SOX6: variants seen among roughly 807,000 people sequenced by gnomAD.
The protein encoded by SOX6 is transcription factor SOX-6.
Under a neutral mutation model 97.8 loss-of-function variants are expected in SOX6, and 11 were observed. The ratio of observed to expected loss-of-function variants is 0.11; its 90% CI spans 0.07 to 0.19. SOX6 has a LOEUF of 0.19. SOX6 is among the 10% of genes least tolerant of loss of function. The pLI, the probability that SOX6 is intolerant of heterozygous loss-of-function variation, is 1.00. For synonymous variants in SOX6, 360 were observed against 371.4 expected, an observed-to-expected ratio of 0.97 and a Z score of 0.35; for missense variants, 810 against 1,039.5, an observed-to-expected ratio of 0.78 and a Z score of 3.04.
chr11:16,427,753 A>C (rs1257603369), intron 1 of SOX6, among the ~76,000 whole-genome samples: 2 of 152,184 alleles, frequency 1.3e-5, no homozygotes, highest in Non-Finnish European at 2.9e-5. Flanking sequence ...AGTTGGTTCC[A>C]AGACTTTGCT....
rs61037475 is a variant in SOX6 at position 16,371,473 on chromosome 11, T to A, written c.-4-30221A>T. Among the ~76,000 whole-genome samples, 441 of 150,748 alleles carry A rather than the reference T, an allele frequency of 2.9e-3. 1 individual carries two copies. The highest frequency in any genetic ancestry group is 6.7e-3 in the African/African-American group (273 of 40,720). ...TATAATAACTTACTTTTTCTTTTTT[T>A]TAAAAAAAAATAAATTGCCTGTTTC... On this transcript the variant is annotated intron_variant, in intron 1 of 15. Coordinates refer to the SOX6 transcript ENST00000396356.
intron 3 of SOX6, among the ~76,000 whole-genome samples, chr11:16,246,303 T>A (rs1341121058): frequency 6.6e-6 from 1 of 151,776 alleles, no homozygotes; most frequent in Non-Finnish European, 1.5e-5. Context: ...TCATTAGAAA[T>A]TAAATGTCAT....
chr11:16,311,712 GTC>G (rs1855608508), intron 3 of SOX6: 1 of 152,118 alleles, frequency 6.6e-6, no homozygotes, highest in Non-Finnish European at 1.5e-5. Context: ...AGGCTATACT[GTC>G]TCTCTAAATA....
At chr11:16,082,765 T>C (rs80341183) in intron 9 of SOX6, among the ~76,000 whole-genome samples, 3,619 of 152,288 alleles carry the variant, frequency 0.024, 142 homozygotes, top group African/African-American at 0.082. Flanking sequence ...AGTTGTTCAC[T>C]ATACCTTATA....
intron 12 of SOX6, among the ~76,000 whole-genome samples, chr11:16,039,161 A>T (rs1855591806): frequency 6.6e-6 from 1 of 152,000 alleles, no homozygotes. Context: ...TCCTATCCTT[A>T]ATTTTTATTT....
intron 13 of SOX6, among the ~76,000 whole-genome samples, chr11:16,002,297 T>C (rs572633814): frequency 4.2e-4 from 64 of 152,354 alleles, no homozygotes; most frequent in Non-Finnish European, 7.3e-4. Flanking sequence ...CTGATGCATG[T>C]GGCTCGTGGC....
intron 4 of SOX6, among the ~76,000 whole-genome samples, chr11:16,211,620 T>A (rs1205601664): frequency 6.6e-6 from 1 of 152,110 alleles, no homozygotes. Flanking sequence ...AATGTAGTTG[T>A]ATGAAGAGGG....
At chr11:16,449,159 T>A (rs1859667343) in intron 1 of SOX6, among the ~76,000 whole-genome samples, 1 of 151,822 alleles carries the variant, frequency 6.6e-6, no homozygotes, top group Admixed American at 6.6e-5. Flanking sequence ...GGTGGTAGAG[T>A]AAGTAGAAGA....
chr11:16,722,743 T>C (rs1848276937), intron 2 of SOX6, among the ~76,000 whole-genome samples: 1 of 151,858 alleles, frequency 6.6e-6, no homozygotes, highest in African/African-American at 2.4e-5. Context: ...AATGTCACTA[T>C]CATTAGAGAA....
At chr11:16,527,608 C>T (rs1366020275) in intron 4 of SOX6, among the ~76,000 whole-genome samples, 1 of 152,138 alleles carries the variant, frequency 6.6e-6, no homozygotes, top group Admixed American at 6.6e-5. Flanking sequence ...CAGGCTTAGA[C>T]ATATAACCTG....
At chr11:16,077,143 T>A (rs1030244124) in intron 9 of SOX6, among the ~76,000 whole-genome samples, 1 of 152,162 alleles carries the variant, frequency 6.6e-6, no homozygotes, top group African/African-American at 2.4e-5. Flanking sequence ...TATGATCAAA[T>A]CACCTCTGAC....
chr11:16,583,370 A>G (rs1401029983), intron 4 of SOX6, among the ~76,000 whole-genome samples: 2 of 151,584 alleles, frequency 1.3e-5, no homozygotes, highest in East Asian at 1.9e-4. Context: ...GCTGTAGAAC[A>G]CTAGAACTTA....
chr11:16,300,711 C>T lies in SOX6; in HGVS notation c.445+17735G>A, dbSNP rs796487202. ...TGAAGTTCATCACCAGAGAAACCTG[C>T]GGCTGTTCACCTTAACAACTAGGAA... On this transcript the variant is annotated intron_variant, in intron 3 of 15. Transcript: ENST00000683767. The surrounding 1 kb of genome is among the most constrained non-coding windows in gnomAD (Gnocchi z 4.1). Among the ~76,000 whole-genome samples the T allele has an allele frequency of 2.0e-5, 3 of 152,180 alleles. No individual in the cohort carries two copies. Among genetic ancestry groups the T allele is most frequent in the Non-Finnish European group, 2.9e-5 (2 of 68,042 alleles).
Position 16,406,657 on chromosome 11 carries a change from G to A in SOX6, c.-4-65405C>T, listed in dbSNP as rs148069257. Among the ~76,000 whole-genome samples, 31 of 152,150 alleles carry A rather than the reference G, an allele frequency of 2.0e-4. 2 individuals carry two copies. Among genetic ancestry groups the A allele is most frequent in the African/African-American group, 7.0e-4 (29 of 41,548 alleles). On this transcript the variant is annotated intron_variant, in intron 1 of 15. Transcript: ENST00000396356. Reference sequence around the variant, plus strand: ...AAATGACTGATCTCAGAGTCTAGTCGTGAGGACAAATGCCCTATCAATATT... The same window carrying A: ...AAATGACTGATCTCAGAGTCTAGTCATGAGGACAAATGCCCTATCAATATT...
intron 3 of SOX6, chr11:16,270,055 T>C (rs1211914011): frequency 2.0e-5 from 3 of 151,354 alleles, no homozygotes; most frequent in Non-Finnish European, 4.4e-5. Context: ...ACTTTAGAAC[T>C]AGAGTATTTT....
intron 3 of SOX6, among the ~76,000 whole-genome samples, chr11:16,648,831 A>G (rs893087648): frequency 3.9e-5 from 6 of 152,248 alleles, no homozygotes; most frequent in Non-Finnish European, 5.9e-5. Flanking sequence ...AGGAGATACC[A>G]AAGAAAGGTG....
At chr11:16,324,023 T>C (rs1169616778) in intron 2 of SOX6, among the ~76,000 whole-genome samples, 4 of 151,570 alleles carry the variant, frequency 2.6e-5, no homozygotes, top group African/African-American at 9.7e-5. Context: ...TCCCTACAAA[T>C]AATAAAAAAA....
At chr11:16,099,973 A>G (rs1024664168) in intron 7 of SOX6, among the ~76,000 whole-genome samples, 1 of 151,906 alleles carries the variant, frequency 6.6e-6, no homozygotes, top group Non-Finnish European at 1.5e-5. Flanking sequence ...AGAGTATATA[A>G]CAGAGAATGA....
rs532221607 is a variant in SOX6, at chr11:16,436,289, A to G, written c.-5+40026T>C. Among the ~76,000 whole-genome samples, 4 of 152,114 alleles carry G rather than the reference A, an allele frequency of 2.6e-5. No individual in the cohort carries two copies. The East Asian group carries it at 5.8e-4, about 22-fold the overall frequency. On this transcript the variant is annotated intron_variant, in intron 1 of 15. Coordinates refer to the SOX6 transcript ENST00000396356. ...CTCTTTTGACTTCCATGACATAAAA[A>G]CTTATTTTTCTCTATTCTTTCATTG... is the stretch of plus-strand genomic sequence containing the variant.
Sources: allele counts gnomAD v4.1 joint callset (sites outside exome capture counted in the v4.1 genomes callset), GRCh38; gene constraint gnomAD v4.1.1; non-coding constraint Gnocchi (gnomAD v3.1); transcripts MANE v1.5; gene names NCBI Gene and HGNC (gene_info 2026-07-23, HGNC 2026-07-21).